ZNF83: variants seen among roughly 807,000 people sequenced by gnomAD.
ZNF83 encodes the protein zinc finger protein 83.
For missense variants in ZNF83, 552 were observed against 629.9 expected (o/e 0.88, Z 1.32); for synonymous variants, 209 against 213.0 (o/e 0.98, Z 0.17).
At chr19:52,652,966 T>G in intron 3 of ZNF83, 1 of 1,301,568 alleles carries the variant, frequency 7.7e-7, no homozygotes, top group East Asian at 2.4e-5. Context: ...CTTGCCACAC[T>G]CATTACACCT....
At chr19:52,634,134 T>C (rs974638386) in intron 2 of ZNF83, among the ~76,000 whole-genome samples, 1 of 151,784 alleles carries the variant, frequency 6.6e-6, no homozygotes, top group Admixed American at 6.6e-5. Flanking sequence ...TAGCCGGGTG[T>C]GGTGGCATGT....
chr19:52,621,932 A>G (rs1024400415), intron 2 of ZNF83, among the ~76,000 whole-genome samples: 1 of 147,878 alleles, frequency 6.8e-6, no homozygotes, highest in African/African-American at 2.5e-5. Context: ...TCTGGTCCCA[A>G]TGTGACTAGT....
At chr19:52,661,613 C>T (rs1600242517) in intron 1 of ZNF83, among the ~76,000 whole-genome samples, 1 of 152,122 alleles carries the variant, frequency 6.6e-6, no homozygotes, top group African/African-American at 2.4e-5. Context: ...TTGCAAAATG[C>T]CTGAGAAACC....
At chr19:52,681,280 C>CAAAAAAAAAAAAAAAAAAA (rs56916405) in intron 1 of ZNF83, among the ~76,000 whole-genome samples, 37 of 75,418 alleles carry the variant, frequency 4.9e-4, no homozygotes, top group Admixed American at 7.2e-4. Context: ...GAGACTTTCT[C>CAAAAAAAAAAAAAAAAAAA]AAAAAAAAAA....
chr19:52,651,658 G>A (rs892772953), intron 3 of ZNF83: 1 of 142,994 alleles, frequency 7.0e-6, no homozygotes, highest in Admixed American at 7.4e-5. Flanking sequence ...ACGCCAGCTT[G>A]GGCGACAAGA....
At chr19:52,655,662 G>C (rs2061495159) in exon 3 of ZNF83, 1 of 1,306,614 alleles carries the variant, frequency 7.7e-7, no homozygotes, top group Non-Finnish European at 1.1e-6. Context: ...GAATTCTATA[G>C]CCACATCCCT....
chr19:52,635,186 G>C, intron 1 of ZNF83, 33 bp from the exon 2 acceptor site: 1 of 593,464 alleles, frequency 1.7e-6, no homozygotes, highest in Non-Finnish European at 3.0e-6. Context: ...TTATTGCTCA[G>C]AATCAATACA....
intron 1 of ZNF83, 80 bp from the exon 2 acceptor site, chr19:52,635,233 A>G (rs2095631893): frequency 2.0e-6 from 1 of 493,372 alleles, no homozygotes; most frequent in Non-Finnish European, 3.6e-6. Flanking sequence ...TACAAAGGAG[A>G]CCTCACCCTG....
At position 52,612,918 on chromosome 19, in the gene ZNF83, G is replaced by C. The variant is rs183356999; in HGVS notation, c.*96C>G. ...TATTAAGCCTTGAACAAAAACTAAAGGCTCTGCTACATTCATTATACTTGC... is the reference window on the plus strand; with the variant it reads ...TATTAAGCCTTGAACAAAAACTAAACGCTCTGCTACATTCATTATACTTGC... On this transcript the variant is annotated 3_prime_UTR_variant, in exon 3 of 3. Coordinates refer to ENST00000301096, the Ensembl canonical transcript of ZNF83. 4.7e-6 allele frequency: 5 copies of C among 1,054,728 alleles called. No homozygotes were observed. The Admixed American group carries it at 1.4e-4, about 30-fold the overall frequency. The allele number at this position is 1,054,728 out of a possible 1,614,324, so 65.3% of individuals were successfully genotyped here.
intron 1 of ZNF83, chr19:52,636,397 A>G (rs2061148952): frequency 6.6e-6 from 1 of 151,718 alleles, no homozygotes; most frequent in Non-Finnish European, 1.5e-5. Context: ...TCCCTACCCC[A>G]CTCTGGGAAA....
chr19:52,650,864 A>T (rs2061433171), intron 3 of ZNF83: 1 of 152,210 alleles, frequency 6.6e-6, no homozygotes. Flanking sequence ...ACAGCAGAAG[A>T]AAGCTACATC....
chr19:52,632,074 G>A (rs1318738013), intron 2 of ZNF83, among the ~76,000 whole-genome samples: 1 of 152,172 alleles, frequency 6.6e-6, no homozygotes, highest in Admixed American at 6.5e-5. Context: ...GATAGGTAGA[G>A]GCCTTTCCTA....
intron 2 of ZNF83, among the ~76,000 whole-genome samples, chr19:52,627,118 TCTC>T (rs1399370182): frequency 1.8e-4 from 27 of 152,144 alleles, no homozygotes; most frequent in African/African-American, 6.5e-4. Flanking sequence ...CTTGTGACGC[TCTC>T]CTCTGCTGAC....
upstream of ZNF83, among the ~76,000 whole-genome samples, chr19:52,640,857 G>T (rs1215511473): frequency 6.6e-6 from 1 of 152,108 alleles, no homozygotes. Context: ...TTTTATCTTC[G>T]ATTGTCTGAA....
At position 52,671,407 on chromosome 19, in the gene ZNF83, G is replaced by GA. The variant is rs563548684; in HGVS notation, c.-282-10565dup. 4.6e-5 allele frequency among the ~76,000 whole-genome samples: 7 copies of GA among 151,810 alleles called. No homozygotes were observed. In the South Asian group the frequency reaches 1.5e-3, roughly 32 times the overall value. ...ATTAAATTCACTCTATGTGCCTTCT[G>GA]AAAAAATTAGAAAATGTACCTTTTA... On this transcript the variant is annotated intron_variant, in intron 1 of 5. Coordinates refer to the ZNF83 transcript ENST00000594682.
At chr19:52,686,522 A>G (rs79617124) in intron 1 of ZNF83, among the ~76,000 whole-genome samples, 6,184 of 150,872 alleles carry the variant, frequency 0.041, 422 homozygotes, top group African/African-American at 0.14. Flanking sequence ...AAAGAAATCT[A>G]TTACACAACA....
At chr19:52,667,060 A>G (rs943435834) in intron 1 of ZNF83, among the ~76,000 whole-genome samples, 1 of 152,212 alleles carries the variant, frequency 6.6e-6, no homozygotes, top group Middle Eastern at 3.2e-3. Context: ...TATTAATAGC[A>G]AAGAATTGAA....
intron 3 of ZNF83, chr19:52,652,652 C>A: frequency 5.7e-6 from 3 of 529,566 alleles, no homozygotes; most frequent in South Asian, 4.7e-5. Context: ...TAAGATCTCT[C>A]TTCATTATGG....
At chr19:52,657,178 G>GCAAT (rs1252846897) in intron 2 of ZNF83, among the ~76,000 whole-genome samples, 3 of 152,014 alleles carry the variant, frequency 2.0e-5, no homozygotes, top group Non-Finnish European at 4.4e-5. Flanking sequence ...AATCATAAAT[G>GCAAT]CAATGCATGA....
Sources: allele counts gnomAD v4.1 joint callset (sites outside exome capture counted in the v4.1 genomes callset), GRCh38; gene constraint gnomAD v4.1.1; transcripts MANE v1.5; gene names NCBI Gene and HGNC (gene_info 2026-07-23, HGNC 2026-07-21).